The following MAPK4 variants were observed in gnomAD, a reference collection of about 807,000 sequenced individuals.
MAPK4 encodes Erk3-related.
MAPK4 carries 22 observed loss-of-function variants against 47.7 expected under a neutral mutation model. That is an observed-to-expected ratio of 0.46 (90% CI 0.33 to 0.66). The LOEUF is 0.66. MAPK4 is among the 30% of genes least tolerant of loss of function. The probability of loss-of-function intolerance (pLI) is 0.02; values close to 1 mark genes in which losing one functional copy is unlikely to be tolerated. For synonymous variants in MAPK4, 390 were observed against 365.7 expected (o/e 1.07, Z -0.76); for missense variants, 736 against 831.7 (o/e 0.88, Z 1.42).
chr18:50,628,764 C>T (rs1380092198), intron 1 of MAPK4, among the ~76,000 whole-genome samples: 1 of 120,080 alleles, frequency 8.3e-6, no homozygotes, highest in East Asian at 2.2e-4. Context: ...TGCTGCATCA[C>T]TCAATGGTGC....
intron 2 of MAPK4, among the ~76,000 whole-genome samples, chr18:50,677,473 C>T (rs16952394): frequency 0.033 from 5,026 of 152,202 alleles, 232 homozygotes; most frequent in African/African-American, 0.11. Context: ...TCAAGCACCC[C>T]AGCGTGTGGC....
Position 50,703,897 on chromosome 18 carries a change from A to C in MAPK4, c.547-11182A>C, listed in dbSNP as rs76240110. Reference sequence around the variant, plus strand: ...AAACACTACCTTACTATCTTAACTAAAAACAGCAAGTCTGTAGGTGAGACT... The same window carrying C: ...AAACACTACCTTACTATCTTAACTACAAACAGCAAGTCTGTAGGTGAGACT... On this transcript the variant is annotated intron_variant, in intron 2 of 5. Transcript: ENST00000400384. Among the ~76,000 whole-genome samples the C allele has an allele frequency of 9.2e-3, 1,399 of 152,268 alleles. 16 individuals are homozygous for C. Among genetic ancestry groups the C allele is most frequent in the African/African-American group, 0.032 (1,328 of 41,566 alleles).
intron 1 of MAPK4, among the ~76,000 whole-genome samples, chr18:50,609,301 A>T (rs1022385999): frequency 6.6e-6 from 1 of 151,482 alleles, no homozygotes; most frequent in African/African-American, 2.4e-5. Context: ...GCGGCCAGGC[A>T]GAGGCGCCCC....
intron 2 of MAPK4, among the ~76,000 whole-genome samples, chr18:50,712,689 G>T (rs1267370686): frequency 6.6e-6 from 1 of 150,566 alleles, no homozygotes; most frequent in Non-Finnish European, 1.5e-5. Flanking sequence ...AAAGCCCCCT[G>T]TCCCCACTGT....
At chr18:50,665,961 A>ACTCCAAAC (rs925198679) in intron 2 of MAPK4, among the ~76,000 whole-genome samples, 1 of 152,094 alleles carries the variant, frequency 6.6e-6, no homozygotes, top group African/African-American at 2.4e-5. Flanking sequence ...AGGAGCAATG[A>ACTCCAAAC]CTCCAAACCA....
intron 2 of MAPK4, chr18:50,704,481 CA>C (rs749255746): frequency 5.5e-5 from 21 of 383,258 alleles, no homozygotes; most frequent in Middle Eastern, 6.5e-4. Context: ...ACCCTGTCTC[CA>C]AAAAAAAAGC....
At chr18:50,637,887 C>T (rs2042901603) in intron 1 of MAPK4, among the ~76,000 whole-genome samples, 1 of 152,200 alleles carries the variant, frequency 6.6e-6, no homozygotes, top group Non-Finnish European at 1.5e-5. Flanking sequence ...TTGGGGCCTA[C>T]CCCGATGACT....
chr18:50,579,708 G>T (rs1338136172), intron 1 of MAPK4, among the ~76,000 whole-genome samples: 1 of 152,108 alleles, frequency 6.6e-6, no homozygotes, highest in Non-Finnish European at 1.5e-5. Context: ...AGTCTCCCAG[G>T]TACCCTCAGG....
intron 1 of MAPK4, among the ~76,000 whole-genome samples, chr18:50,662,853 G>A (rs1256679438): frequency 6.6e-6 from 1 of 152,208 alleles, no homozygotes; most frequent in African/African-American, 2.4e-5. Context: ...ACTGACATAA[G>A]AGGCACAGCA....
At chr18:50,625,881 TGCACACACACAC>T (rs750386706) in intron 1 of MAPK4, among the ~76,000 whole-genome samples, 2 of 126,104 alleles carry the variant, frequency 1.6e-5, no homozygotes, top group African/African-American at 6.3e-5. Flanking sequence ...GGTGTGTGTA[TGCACACACACAC>T]ACACACACAC....
intron 1 of MAPK4, among the ~76,000 whole-genome samples, chr18:50,563,790 C>T (rs998208692): frequency 6.6e-6 from 1 of 152,188 alleles, no homozygotes; most frequent in Non-Finnish European, 1.5e-5. Flanking sequence ...TCTTCCTCTC[C>T]ATCATTTTCA....
In MAPK4 at chr18:50,664,187, A is replaced by G; in HGVS notation, c.229A>G (p.Ile77Val). ...KIIRRLDHDNIVKVYEVLGPK... is the reference protein window; with the variant it reads ...KIIRRLDHDNVVKVYEVLGPK... Reference sequence around the variant, plus strand: ...CATTCGGCGCCTGGACCACGACAACATCGTCAAAGTGTACGAGGTGCTCGG... The same window carrying G: ...CATTCGGCGCCTGGACCACGACAACGTCGTCAAAGTGTACGAGGTGCTCGG... The change falls in exon 2 of 6, where the codon ATC (isoleucine) becomes GTC (valine). Residue 77 changes from isoleucine (I) to valine (V), a missense_variant. This residue lies in a region of MAPK4 where 327 missense variants were observed against 395.4 expected (regional missense o/e 0.83). Transcript: ENST00000400384. This position sits in a 1 kb window ranked among gnomAD's most constrained non-coding sequence, Gnocchi z 6.0. The G allele has an allele frequency of 1.2e-6, 2 of 1,614,098 alleles. No homozygotes were observed. Among genetic ancestry groups the G allele is most frequent in the Middle Eastern group, 1.6e-4 (1 of 6,062 alleles).
At chr18:50,598,045 A>G (rs1405304261) in intron 1 of MAPK4, among the ~76,000 whole-genome samples, 2 of 152,206 alleles carry the variant, frequency 1.3e-5, no homozygotes, top group Non-Finnish European at 2.9e-5. Flanking sequence ...ATTCACTCTC[A>G]CACATTCATC....
chr18:50,658,148 A>G (rs1461275237), intron 1 of MAPK4, among the ~76,000 whole-genome samples: 1 of 151,964 alleles, frequency 6.6e-6, no homozygotes, highest in Non-Finnish European at 1.5e-5. Flanking sequence ...TCAACATTCT[A>G]TTTCTTGGTT....
chr18:50,583,542 T>G (rs2042364414), intron 1 of MAPK4, among the ~76,000 whole-genome samples: 1 of 152,094 alleles, frequency 6.6e-6, no homozygotes, highest in Admixed American at 6.6e-5. Flanking sequence ...TGAGCTGAGA[T>G]TGCGCCACTG....
upstream of MAPK4, chr18:50,560,060 G>T (rs2042137643): frequency 6.8e-6 from 1 of 148,126 alleles, no homozygotes; most frequent in South Asian, 1.8e-4. Context: ...GGCGGCGCAG[G>T]CTGGGGCCGG....
Position 50,663,644 on chromosome 18 carries a change from G to A in MAPK4, c.-315G>A, listed in dbSNP as rs1598883410. Reference sequence around the variant, plus strand: ...TAATGATACTGGGTTTTCTTTCCAAGATGCCAGCTTTAAAAGAAATATGAG... The same window carrying A: ...TAATGATACTGGGTTTTCTTTCCAAAATGCCAGCTTTAAAAGAAATATGAG... On this transcript the variant is annotated 5_prime_UTR_variant, in exon 2 of 6. Coordinates refer to ENST00000400384, the MANE Select transcript of MAPK4 (RefSeq NM_002747.4). 1 of 215,508 alleles carries A rather than the reference G, an allele frequency of 4.6e-6. No individual in the cohort carries two copies. Among genetic ancestry groups the A allele is most frequent in the African/African-American group, 2.3e-5 (1 of 44,020 alleles). 13.3% of individuals were successfully genotyped at this position (215,508 alleles called of 1,614,324 possible).
intron 1 of MAPK4, chr18:50,560,821 C>G (rs2042147179): frequency 6.6e-6 from 1 of 152,428 alleles, no homozygotes; most frequent in South Asian, 2.1e-4. Context: ...CTGGGCGACC[C>G]AGAGCCCCAG....
intron 1 of MAPK4, among the ~76,000 whole-genome samples, chr18:50,601,333 CAAAAAAAAAAA>C (rs35148592): frequency 5.6e-5 from 3 of 53,194 alleles, no homozygotes; most frequent in Admixed American, 2.4e-4. Context: ...GACTCTATGT[CAAAAAAAAAAA>C]AAAAAAAAAA....
Sources: gnomAD v4.1 joint callset for allele counts (sites outside exome capture counted in the v4.1 genomes callset) on GRCh38, gnomAD v4.1.1 for gene constraint, gnomAD v4.1.1 regional missense constraint, Gnocchi (gnomAD v3.1) non-coding constraint, MANE v1.5 for transcripts, NCBI Gene and HGNC (gene_info 2026-07-23, HGNC 2026-07-21) for gene names.